Variants in CIT observed in about 807,000 individuals in gnomAD.
CIT encodes citron Rho-interacting kinase.
In CIT, 79 loss-of-function variants were observed where a neutral mutation model predicts 272.7. That is an observed-to-expected ratio of 0.29 (90% confidence interval 0.24 to 0.35). CIT has a LOEUF of 0.35. CIT is among the 10% of genes least tolerant of loss of function. CIT has a pLI of 1.00. For missense variants in CIT, 1,909 were observed against 2,618.3 expected, an observed-to-expected ratio of 0.73 and a Z score of 5.91; for synonymous variants, 948 against 995.6, an observed-to-expected ratio of 0.95 and a Z score of 0.90.
intron 37 of CIT, chr12:119,711,243 T>G: frequency 4.0e-6 from 2 of 503,408 alleles, no homozygotes. Flanking sequence ...AAAGTGTTTA[T>G]TAGGAGTGAA....
chr12:119,781,974 C>G (rs897103032), intron 13 of CIT, among the ~76,000 whole-genome samples: 1 of 152,128 alleles, frequency 6.6e-6, no homozygotes, highest in African/African-American at 2.4e-5. Flanking sequence ...TTGCAGGCCA[C>G]ATGGTCTCTG....
At chr12:119,847,976 A>G (rs1969937381) in intron 5 of CIT, among the ~76,000 whole-genome samples, 3 of 152,198 alleles carry the variant, frequency 2.0e-5, no homozygotes, top group African/African-American at 7.2e-5. Flanking sequence ...CAGAGAGCAC[A>G]AGGTAAATAC....
In CIT at chr12:119,728,504, C is replaced by T. The variant is rs1388718466; in HGVS notation, c.3589G>A (p.Glu1197Lys). The change falls in exon 28 of 48, where the codon GAG becomes AAG. Residue 1197 changes from glutamate to lysine, a missense_variant and splice_region_variant. Coordinates refer to ENST00000392521, the MANE Select transcript of CIT (RefSeq NM_001206999.2). The surrounding 1 kb of genome is among the most constrained non-coding windows in gnomAD (Gnocchi z 4.3). Reference sequence around the variant, plus strand: ...TCTCCCAGGTATTTCACACTCACCTCTTCCAGAAGCCTCTGTTTGAGCTCT... The same window carrying T: ...TCTCCCAGGTATTTCACACTCACCTTTTCCAGAAGCCTCTGTTTGAGCTCT... ...ERELKQRLLEEQAKLQQQMDL... is the reference protein window; with the variant it reads ...ERELKQRLLEKQAKLQQQMDL... 6.2e-7 allele frequency: 1 copy of T among 1,604,102 alleles called. No individual in the cohort carries two copies. The highest frequency in any genetic ancestry group is 8.5e-7 in the Non-Finnish European group (1 of 1,174,898).
At chr12:119,876,930 G>A (rs61401543) in intron 1 of CIT, among the ~76,000 whole-genome samples, 2,241 of 152,242 alleles carry the variant, frequency 0.015, 60 homozygotes, top group African/African-American at 0.051. Context: ...ATAAGGAACC[G>A]GCCGACTACA....
rs531373689 is a variant in CIT, at chr12:119,817,779, T to C, written c.1111+5041A>G. ...TCAGAATGAATCATCAATTCAAAAA[T>C]TCCTGCAATTCTAGGCTGGGCATGG... is the stretch of plus-strand genomic sequence containing the variant. On this transcript the variant is annotated intron_variant, in intron 9 of 47. Transcript: ENST00000392521. Among the ~76,000 whole-genome samples the C allele has an allele frequency of 7.8e-4, 119 of 152,104 alleles. 1 individual carries two copies. In the South Asian group the frequency reaches 0.024, roughly 31 times the overall value.
intron 23 of CIT, 62 bp from the exon 24 acceptor site, chr12:119,742,526 G>A (rs1399491507): frequency 4.7e-6 from 6 of 1,285,130 alleles, no homozygotes; most frequent in Admixed American, 2.1e-5. Flanking sequence ...TACATGCTAC[G>A]GGTCAAATAT....
chr12:119,770,946 A>T lies in CIT; in HGVS notation c.2083-36T>A, dbSNP rs770103379. On this transcript the variant is annotated intron_variant, in intron 17 of 47. Transcript: ENST00000392521. This position sits in a 1 kb window ranked among gnomAD's most constrained non-coding sequence, Gnocchi z 4.4. ...TGAATCAATCAGAGAGTTTTAATGG[A>T]GTAACCGCTATGGGCATAACACCTG... is the stretch of plus-strand genomic sequence containing the variant. 1.2e-6 allele frequency: 2 copies of T among 1,611,104 alleles called. No homozygotes were observed. Among genetic ancestry groups the T allele is most frequent in the Admixed American group, 1.7e-5 (1 of 59,852 alleles).
rs749312866 is a variant in CIT at position 119,760,940 on chromosome 12, G to T, written c.2420C>A (p.Ala807Glu). The T allele has an allele frequency of 6.2e-7, 1 of 1,606,340 alleles. No individual in the cohort carries two copies. Among genetic ancestry groups the T allele is most frequent in the Non-Finnish European group, 8.5e-7 (1 of 1,172,876 alleles). The change falls in exon 20 of 48, where the codon GCG becomes GAG. Residue 807 changes from alanine (A) to glutamate (E), a missense_variant and splice_region_variant. Physicochemically the swap from Ala to Glu is moderately radical, Grantham distance 107 (BLOSUM62 -1). This residue lies in a region of CIT where 530 missense variants were observed against 822.4 expected (regional missense o/e 0.64). Transcript: ENST00000392521. ...GGCTTGGCAACTCCTTCTACCTACC[G>T]CCTTCTGTTCGCTGAGAATTTTGCC... ...EKGKILSEQK[A>E]MINAMDSKIR... is the part of the protein sequence containing the mutation.
Position 119,804,572 on chromosome 12 carries a change from G to T in CIT, c.1112-1183C>A. ...AGTTGTCACAGCCCTTCACAGCCCA[G>T]ACTTCTTTTTAACTCCTCGTTTTCT... is the stretch of plus-strand genomic sequence containing the variant. On this transcript the variant is annotated intron_variant, in intron 9 of 47. Transcript: ENST00000392521. This position sits in a 1 kb window ranked among gnomAD's most constrained non-coding sequence, Gnocchi z 5.3. 1 of 808,186 alleles carries T rather than the reference G, an allele frequency of 1.2e-6. No individual in the cohort carries two copies. The highest frequency in any genetic ancestry group is 1.5e-6 in the Non-Finnish European group (1 of 668,264). 50.1% of individuals were successfully genotyped at this position (808,186 alleles called of 1,614,324 possible).
chr12:119,725,834 G>A (rs760753922), intron 28 of CIT, among the ~76,000 whole-genome samples: 11 of 152,350 alleles, frequency 7.2e-5, no homozygotes, highest in Non-Finnish European at 1.0e-4. Context: ...ACAGGCAAGA[G>A]CATTGATTAT....
rs974347525 is a variant in CIT, at chr12:119,855,519, G to A, written c.414+2004C>T. 5.9e-5 allele frequency among the ~76,000 whole-genome samples: 9 copies of A among 152,128 alleles called. No homozygotes were observed. In the East Asian group the frequency reaches 9.7e-4, roughly 16 times the overall value. ...GTGGGCGTGCGGGCCTCTCCCAGGC[G>A]GCAGGCCTTGTCTGCAGAACAGCAT... is the stretch of plus-strand genomic sequence containing the variant. On this transcript the variant is annotated intron_variant, in intron 4 of 47. Transcript: ENST00000392521.
rs1178161906 is a variant in CIT, at chr12:119,688,321, G to GA, written c.6187-67dup. The GA allele has an allele frequency of 1.1e-5, 16 of 1,487,840 alleles. No individual in the cohort carries two copies. The African/African-American group carries it at 2.1e-4, about 19-fold the overall frequency. The allele number at this position is 1,487,840 out of a possible 1,614,324, so 92.2% of individuals were successfully genotyped here. On this transcript the variant is annotated intron_variant, in intron 47 of 47. Transcript: ENST00000392521. ...AGAAGTTGCTGTGCTCACCTTGCAT[G>GA]ATGCAAATGGGAATCTGCAGCCCCT...
intron 32 of CIT, among the ~76,000 whole-genome samples, chr12:119,715,108 G>A (rs925477879): frequency 2.0e-5 from 3 of 152,218 alleles, no homozygotes; most frequent in Non-Finnish European, 4.4e-5. Context: ...TTTATAAGGG[G>A]AAACCCCTCT....
intron 3 of CIT, among the ~76,000 whole-genome samples, chr12:119,862,443 G>A (rs1457238506): frequency 2.0e-5 from 3 of 152,122 alleles, no homozygotes; most frequent in Non-Finnish European, 4.4e-5. Flanking sequence ...TGTATGTGAT[G>A]TGCTATATTC....
At position 119,690,379 on chromosome 12, in the gene CIT, G is replaced by C. The variant is rs1245287791; in HGVS notation, c.5958C>G (p.Pro1986=). 1 of 1,596,562 alleles carries C rather than the reference G, an allele frequency of 6.3e-7. No individual in the cohort carries two copies. The highest frequency in any genetic ancestry group is 1.3e-5 in the African/African-American group (1 of 74,786). Residue 1986 remains proline (P), a synonymous_variant, in exon 47 of 48, where the codon CCC becomes CCG. Coordinates refer to ENST00000392521, the MANE Select transcript of CIT (RefSeq NM_001206999.2). The surrounding 1 kb of genome is among the most constrained non-coding windows in gnomAD (Gnocchi z 6.0). The part of the protein sequence containing the change: ...TKRVASSPAP[P]EGPSHPREPS... ...GCTCTCGCGGGTGGCTGGGGCCTTCGGGCGGCGCTGGGCTGGAGGCCACGC... is the reference window on the plus strand; with the variant it reads ...GCTCTCGCGGGTGGCTGGGGCCTTCCGGCGGCGCTGGGCTGGAGGCCACGC...
At chr12:119,704,236 A>G (rs1224098911) in intron 41 of CIT, 127 bp downstream of exon 41, 1 of 799,784 alleles carries the variant, frequency 1.3e-6, no homozygotes, top group East Asian at 2.6e-5. Context: ...ACCCCAGGCT[A>G]AAGGCCCGCA....
Position 119,710,704 on chromosome 12 carries a change from G to A in CIT, c.4855-84C>T, listed in dbSNP as rs1957121583. 22 of 1,286,200 alleles carry A rather than the reference G, an allele frequency of 1.7e-5. No individual in the cohort carries two copies. The South Asian group carries it at 2.5e-4, about 15-fold the overall frequency. The allele number at this position is 1,286,200 out of a possible 1,614,324, so 79.7% of individuals were successfully genotyped here. On this transcript the variant is annotated intron_variant, in intron 37 of 47. Transcript: ENST00000392521. This position sits in a 1 kb window ranked among gnomAD's most constrained non-coding sequence, Gnocchi z 5.6. ...ACCAAACCATCCAGAGAAACCAAGA[G>A]AAGGTTAAGGCCAAGTTATTCCTGG...
At chr12:119,868,961 C>A (rs1369570293) in intron 3 of CIT, 99 bp downstream of exon 3, 2 of 1,411,664 alleles carry the variant, frequency 1.4e-6, no homozygotes, top group Admixed American at 2.1e-5. Context: ...AACCAGAGTT[C>A]TTACCGACTA....
Position 119,690,521 on chromosome 12 carries a change from C to A in CIT, c.5883-67G>T, listed in dbSNP as rs910631496. ...CCCCAGAGGGGCATTTTCCTTCTTACCTGAGCAACCCCCTCCTTGACCCAG... is the reference window on the plus strand; with the variant it reads ...CCCCAGAGGGGCATTTTCCTTCTTAACTGAGCAACCCCCTCCTTGACCCAG... On this transcript the variant is annotated intron_variant, in intron 46 of 47. Transcript: ENST00000392521. The surrounding 1 kb of genome is among the most constrained non-coding windows in gnomAD (Gnocchi z 6.0). 7.1e-7 allele frequency: 1 copy of A among 1,411,708 alleles called. No individual in the cohort carries two copies. The highest frequency in any genetic ancestry group is 1.5e-5 in the African/African-American group (1 of 67,656). The allele number at this position is 1,411,708 out of a possible 1,614,324, so 87.4% of individuals were successfully genotyped here.
Sources: allele counts gnomAD v4.1 joint callset (sites outside exome capture counted in the v4.1 genomes callset), GRCh38; gene constraint gnomAD v4.1.1; regional missense constraint gnomAD v4.1.1; non-coding constraint Gnocchi (gnomAD v3.1); transcripts MANE v1.5; gene names NCBI Gene and HGNC (gene_info 2026-07-23, HGNC 2026-07-21).